STRIP1: variants seen among roughly 807,000 people sequenced by gnomAD.
The protein encoded by STRIP1 is striatin interacting protein 1, also known as striatin-interacting protein 1.
A neutral mutation model predicts 106.2 loss-of-function variants in STRIP1; 63 were observed. The observed-to-expected ratio is 0.59, with a 90% CI of 0.48 to 0.73. The LOEUF (loss-of-function observed/expected upper bound fraction) is 0.73, where lower values mean the gene tolerates loss of function less well. STRIP1 is among the 30% of genes least tolerant of loss of function. STRIP1 has a pLI of 0.00. For missense variants in STRIP1, 857 were observed against 1,074.8 expected, an observed-to-expected ratio of 0.80 and a Z score of 2.83; for synonymous variants, 390 against 413.0, an observed-to-expected ratio of 0.94 and a Z score of 0.67.
At position 110,054,000 on chromosome 1, in the gene STRIP1, A is replaced by G. The variant is rs1653423883; in HGVS notation, c.*88A>G. On this transcript the variant is annotated 3_prime_UTR_variant, in exon 21 of 21. Transcript: ENST00000369795. The stretch of plus-strand genomic sequence containing the variant: ...CCTAGTTCATTGCTGCAGTGCTCCC[A>G]TCCCCCACCAGGTGGCAGCACAGCC... 6.6e-7 allele frequency: 1 copy of G among 1,513,670 alleles called. No homozygotes were observed. Among genetic ancestry groups the G allele is most frequent in the South Asian group, 1.2e-5 (1 of 81,238 alleles). The allele number at this position is 1,513,670 out of a possible 1,614,324, so 93.8% of individuals were successfully genotyped here. A position where few individuals can be genotyped will look rare whatever the true frequency, so the allele number is the denominator to read the frequency against.
Position 110,046,757 on chromosome 1 carries a change from T to A in STRIP1, c.1488+6T>A, listed in dbSNP as rs1180596745. The A allele has an allele frequency of 6.2e-7, 1 of 1,609,636 alleles. No individual in the cohort carries two copies. The highest frequency in any genetic ancestry group is 8.5e-7 in the Non-Finnish European group (1 of 1,176,870). On this transcript the variant is annotated splice_donor_region_variant and intron_variant, in intron 13 of 20. Coordinates refer to ENST00000369795, the MANE Select transcript of STRIP1 (RefSeq NM_033088.4). ...TCCGCTCCCCTCTCTCAGGGGTAAG[T>A]TGGAGGTCCTCAGTCCGGGCGCGGT...
chr1:110,045,298 C>T (rs1456616502), intron 12 of STRIP1: 6 of 542,688 alleles, frequency 1.1e-5, no homozygotes, highest in Non-Finnish European at 1.3e-5. Flanking sequence ...TTGGGACTGA[C>T]TGGGAAGTCT....
chr1:110,053,517 A>T, intron 20 of STRIP1, 148 bp from the exon 21 acceptor site: 1 of 1,136,044 alleles, frequency 8.8e-7, no homozygotes, highest in East Asian at 2.4e-5. Context: ...TCTCCTTTGG[A>T]TCTAGGAAGG....
chr1:110,043,812 C>T lies in STRIP1; in HGVS notation c.1242C>T (p.Asp414=), dbSNP rs374504597. 1 of 1,614,052 alleles carries T rather than the reference C, an allele frequency of 6.2e-7. No homozygotes were observed. The highest frequency in any genetic ancestry group is 8.5e-7 in the Non-Finnish European group (1 of 1,180,048). Reference sequence around the variant, plus strand: ...CCCCGCTACAGCACCCACAGACTGACAGGCTGACTTGCCCCAAAGGGCTCC... The same window carrying T: ...CCCCGCTACAGCACCCACAGACTGATAGGCTGACTTGCCCCAAAGGGCTCC... ...MPPPLQHPQT[D]RLTCPKGLPW... Residue 414 remains aspartate, a synonymous_variant, in exon 10 of 21, where the codon GAC becomes GAT. Transcript: ENST00000369795.
chr1:110,049,155 CGCCACAAA>C lies in STRIP1; in HGVS notation c.1707_1714del (p.His570GlyfsTer4). The C allele has an allele frequency of 6.2e-7, 1 of 1,614,134 alleles. No individual in the cohort carries two copies. On this transcript the variant is annotated frameshift_variant, in exon 16 of 21. Coordinates refer to ENST00000369795, the MANE Select transcript of STRIP1 (RefSeq NM_033088.4). LOFTEE classifies it high-confidence loss of function. Reference sequence around the variant, plus strand: ...CATGAAGCTGGGGGTGGATGTAAACCGCCACAAAGAGGTCATTGTTAAGGCCATTTCTG... The same window carrying C: ...CATGAAGCTGGGGGTGGATGTAAACCGAGGTCATTGTTAAGGCCATTTCTG...
At chr1:110,049,680 A>C (rs1279554047) in intron 17 of STRIP1, 120 bp downstream of exon 17, 3 of 676,954 alleles carry the variant, frequency 4.4e-6, no homozygotes, top group East Asian at 5.3e-5. Flanking sequence ...CTAGGCATCA[A>C]GACATAAAGA....
At chr1:110,042,836 CAG>C in intron 8 of STRIP1, 1 of 441,652 alleles carries the variant, frequency 2.3e-6, no homozygotes, top group Non-Finnish European at 4.0e-6. Context: ...GTCATAGGTG[CAG>C]AGTTAGTGTA....
At chr1:110,037,986 T>TG (rs751890972) in intron 2 of STRIP1, 26 bp downstream of exon 2, 4 of 1,547,984 alleles carry the variant, frequency 2.6e-6, no homozygotes, top group Non-Finnish European at 3.5e-6. Context: ...TTGTGTTATT[T>TG]GGGGGTGGTT....
intron 8 of STRIP1, among the ~76,000 whole-genome samples, chr1:110,042,262 C>T (rs548562320): frequency 3.5e-4 from 54 of 152,324 alleles, no homozygotes; most frequent in African/African-American, 1.2e-3. Flanking sequence ...GAGCCAGCCT[C>T]CATTTTCTTC....
intron 2 of STRIP1, 126 bp downstream of exon 2, chr1:110,038,086 A>ATATG (rs1230494617): frequency 1.3e-5 from 2 of 152,698 alleles, no homozygotes; most frequent in African/African-American, 6.1e-5. Context: ...ATATATATAT[A>ATATG]TATATATATA....
Position 110,043,677 on chromosome 1 carries a change from G to A in STRIP1, c.1107G>A (p.Glu369=). The part of the protein sequence containing the change: ...IKQDNLDAFN[E]RDPYKADDSR... Reference sequence around the variant, plus strand: ...AGGACAACCTAGATGCCTTCAACGAGCGGGATCCCTACAAGGCTGATGACT... The same window carrying A: ...AGGACAACCTAGATGCCTTCAACGAACGGGATCCCTACAAGGCTGATGACT... The change falls in exon 10 of 21, where the codon GAG becomes GAA. Residue 369 remains glutamate (E), a synonymous_variant. Coordinates refer to ENST00000369795, the MANE Select transcript of STRIP1 (RefSeq NM_033088.4). 1.2e-6 allele frequency: 2 copies of A among 1,614,104 alleles called. No homozygotes were observed. The highest frequency in any genetic ancestry group is 1.3e-5 in the African/African-American group (1 of 75,050).
At position 110,039,886 on chromosome 1, in the gene STRIP1, T is replaced by C. The variant is rs7521022; in HGVS notation, c.581+371T>C. ...GGAGGCCAGGCACAAGACTGACATA[T>C]GGGCTCAACCAGTGCCTGGCCTTGC... is the stretch of plus-strand genomic sequence containing the variant. On this transcript the variant is annotated intron_variant, in intron 5 of 20. Coordinates refer to ENST00000369795, the MANE Select transcript of STRIP1 (RefSeq NM_033088.4). The C allele has an allele frequency of 4.7e-3, 6,142 of 1,295,226 alleles. 27 individuals are homozygous for C. Among genetic ancestry groups the C allele is most frequent in the Non-Finnish European group, 5.5e-3 (5,508 of 992,894 alleles). 80.2% of individuals were successfully genotyped at this position (1,295,226 alleles called of 1,614,324 possible). A position where few individuals can be genotyped will look rare whatever the true frequency, so the allele number is the denominator to read the frequency against.
Position 110,049,568 on chromosome 1 carries a change from G to C in STRIP1, c.1889+8G>C. Reference sequence around the variant, plus strand: ...CATCACTGCCAAGAACAGGTGATGAGGGCCAGGGACCATGAAGGGGTGGAT... The same window carrying C: ...CATCACTGCCAAGAACAGGTGATGACGGCCAGGGACCATGAAGGGGTGGAT... On this transcript the variant is annotated splice_region_variant and intron_variant, in intron 17 of 20. Transcript: ENST00000369795. The C allele has an allele frequency of 6.3e-7, 1 of 1,593,248 alleles. No individual in the cohort carries two copies. The highest frequency in any genetic ancestry group is 8.6e-7 in the Non-Finnish European group (1 of 1,162,922).
chr1:110,051,426 T>G (rs1442799923), intron 19 of STRIP1, among the ~76,000 whole-genome samples: 1 of 152,224 alleles, frequency 6.6e-6, no homozygotes, highest in African/African-American at 2.4e-5. Context: ...CCGGAATGTT[T>G]CTGGAAGGAA....
upstream of STRIP1, among the ~76,000 whole-genome samples, chr1:110,034,296 T>C (rs773940350): frequency 1.3e-5 from 2 of 152,176 alleles, no homozygotes; most frequent in Non-Finnish European, 2.9e-5. Flanking sequence ...ATCCATTTTG[T>C]TCATTACAAA....
intron 1 of STRIP1, 151 bp downstream of exon 1, chr1:110,034,968 G>A: frequency 1.3e-6 from 1 of 778,138 alleles, no homozygotes; most frequent in Non-Finnish European, 1.9e-6. Flanking sequence ...GGAGCAGGAA[G>A]CGAGGCTGGC....
intron 13 of STRIP1, 148 bp downstream of exon 13, chr1:110,046,899 AAT>A: frequency 1.8e-6 from 1 of 547,030 alleles, no homozygotes; most frequent in Non-Finnish European, 3.2e-6. Flanking sequence ...AAAAAAAAAA[AAT>A]TAGCCAGCCG....
chr1:110,044,908 G>A lies in STRIP1; in HGVS notation c.1352+3G>A. 6.2e-7 allele frequency: 1 copy of A among 1,614,206 alleles called. No individual in the cohort carries two copies. Among genetic ancestry groups the A allele is most frequent in the Non-Finnish European group, 8.5e-7 (1 of 1,180,020 alleles). On this transcript the variant is annotated splice_donor_region_variant and intron_variant, in intron 11 of 20. Transcript: ENST00000369795. The stretch of plus-strand genomic sequence containing the variant: ...TTTATAGGTTACACTCTAGGCAGGT[G>A]AGTAAAAGCCGAGTTCATTTTGCTG...
At chr1:110,036,846 CAG>C (rs1652481649) in intron 1 of STRIP1, among the ~76,000 whole-genome samples, 1 of 152,002 alleles carries the variant, frequency 6.6e-6, no homozygotes, top group African/African-American at 2.4e-5. Context: ...TGTTTTGAGA[CAG>C]AGTCTCTGTC....
Sources: gnomAD v4.1 joint callset for allele counts (sites outside exome capture counted in the v4.1 genomes callset) on GRCh38, gnomAD v4.1.1 for gene constraint, MANE v1.5 for transcripts, NCBI Gene and HGNC (gene_info 2026-07-23, HGNC 2026-07-21) for gene names.